The following GLUD1 variants were observed in gnomAD, a reference collection of about 807,000 sequenced individuals.
GLUD1 encodes the protein glutamate dehydrogenase 1, mitochondrial.
Under a neutral mutation model 56.0 loss-of-function variants are expected in GLUD1, and 22 were observed. The observed-to-expected ratio is 0.39, with a 90% CI of 0.28 to 0.56. The LOEUF is 0.56. GLUD1 is among the 20% of genes least tolerant of loss of function. The pLI is 0.58. For synonymous variants in GLUD1, 223 were observed against 269.9 expected (o/e 0.83, Z 1.70); for missense variants, 451 against 732.0 (o/e 0.62, Z 4.43).
chr10:87,050,917 G>A lies in GLUD1; in HGVS notation c.*834C>T, dbSNP rs755002858. ...GAACAATTAGTTAACATGATAAAAA[G>A]TGACTGCATTCTTTGGACTGTATCA... On this transcript the variant is annotated 3_prime_UTR_variant, in exon 13 of 13. Transcript: ENST00000277865. The A allele has an allele frequency of 1.3e-5, 2 of 152,272 alleles. No homozygotes were observed. Among genetic ancestry groups the A allele is most frequent in the African/African-American group, 2.4e-5 (1 of 41,432 alleles). The allele number at this position is 152,272 out of a possible 1,614,324, so 9.4% of individuals were successfully genotyped here.
chr10:87,058,631 G>T (rs574219115), intron 10 of GLUD1, among the ~76,000 whole-genome samples: 1 of 152,298 alleles, frequency 6.6e-6, no homozygotes, highest in Non-Finnish European at 1.5e-5. Flanking sequence ...AGTGGCTCAC[G>T]CCTGTAATCC....
chr10:87,094,078 C>T lies in GLUD1; in HGVS notation c.445+247G>A. 1 of 1,513,972 alleles carries T rather than the reference C, an allele frequency of 6.6e-7. No individual in the cohort carries two copies. Among genetic ancestry groups the T allele is most frequent in the Non-Finnish European group, 8.8e-7 (1 of 1,133,044 alleles). 93.8% of individuals were successfully genotyped at this position (1,513,972 alleles called of 1,614,324 possible). Reference sequence around the variant, plus strand: ...GCAGCGTCTACTCTGCATGCAAGATCAGCATATACAGAGGCCCGGGGTGAC... The same window carrying T: ...GCAGCGTCTACTCTGCATGCAAGATTAGCATATACAGAGGCCCGGGGTGAC... On this transcript the variant is annotated intron_variant, in intron 1 of 12. Transcript: ENST00000277865. The surrounding 1 kb of genome is among the most constrained non-coding windows in gnomAD (Gnocchi z 6.6).
At chr10:87,080,073 G>A (rs1184442589) in intron 1 of GLUD1, among the ~76,000 whole-genome samples, 6 of 151,800 alleles carry the variant, frequency 4.0e-5, no homozygotes, top group South Asian at 2.1e-4. Context: ...GAGTGCCTGC[G>A]ATTGCAGGCG....
At chr10:87,081,814 A>G (rs1406174545) in intron 1 of GLUD1, among the ~76,000 whole-genome samples, 2 of 151,374 alleles carry the variant, frequency 1.3e-5, no homozygotes, top group African/African-American at 4.8e-5. Flanking sequence ...ACACTGCGGA[A>G]GGCCTCAGGG....
At chr10:87,052,155 G>T (rs886070776) in intron 12 of GLUD1, among the ~76,000 whole-genome samples, 1 of 152,114 alleles carries the variant, frequency 6.6e-6, no homozygotes, top group East Asian at 1.9e-4. Context: ...TTCAAGACCG[G>T]ACTTGCCAAC....
intron 12 of GLUD1, 120 bp downstream of exon 12, chr10:87,053,222 T>C (rs750187092): frequency 1.3e-6 from 1 of 746,594 alleles, no homozygotes; most frequent in Admixed American, 2.0e-5. Flanking sequence ...TACACACAAA[T>C]GAGGACCATT....
intron 11 of GLUD1, among the ~76,000 whole-genome samples, chr10:87,055,946 TG>T (rs1845760235): frequency 2.0e-5 from 3 of 151,732 alleles, no homozygotes; most frequent in African/African-American, 7.3e-5. Flanking sequence ...AAACCCCGTC[TG>T]TACTAAAAAT....
rs1841666915 is a variant in GLUD1 at position 87,094,553 on chromosome 10, A to C, written c.217T>G (p.Phe73Val). ...DPNFFKMVEG[F>V]FDRGASIVED... ...ACGATGCTGGCGCCGCGATCGAAGAAGCCCTCCACCATCTTGAAGAAGTTG... is the reference window on the plus strand; with the variant it reads ...ACGATGCTGGCGCCGCGATCGAAGACGCCCTCCACCATCTTGAAGAAGTTG... The change falls in exon 1 of 13, where the codon TTC (phenylalanine) becomes GTC (valine). Residue 73 changes from phenylalanine to valine, a missense_variant. Physicochemically the swap from Phe to Val is conservative, Grantham distance 50 (BLOSUM62 -1). Transcript: ENST00000277865. This position sits in a 1 kb window ranked among gnomAD's most constrained non-coding sequence, Gnocchi z 6.6. 1 of 1,612,234 alleles carries C rather than the reference A, an allele frequency of 6.2e-7. No homozygotes were observed. The highest frequency in any genetic ancestry group is 1.3e-5 in the African/African-American group (1 of 74,972).
rs373352711 is a variant in GLUD1, at chr10:87,086,788, G to A, written c.445+7537C>T. ...GGAGCTTGCAGTAAGCCAAGATCGC[G>A]CCACTGCACTCCAGCCTGGGAGACA... On this transcript the variant is annotated intron_variant, in intron 1 of 12. Coordinates refer to ENST00000277865, the MANE Select transcript of GLUD1 (RefSeq NM_005271.5). Among the ~76,000 whole-genome samples the A allele has an allele frequency of 2.7e-4, 40 of 146,128 alleles. No individual in the cohort carries two copies. The South Asian group carries it at 5.6e-3, about 21-fold the overall frequency.
chr10:87,054,817 G>T (rs1192155590), intron 11 of GLUD1, among the ~76,000 whole-genome samples: 1 of 152,210 alleles, frequency 6.6e-6, no homozygotes, highest in Non-Finnish European at 1.5e-5. Flanking sequence ...CTAGAGCAGT[G>T]TATCTGAGGA....
intron 1 of GLUD1, among the ~76,000 whole-genome samples, chr10:87,080,869 G>C (rs1281327109): frequency 2.7e-4 from 39 of 146,104 alleles, no homozygotes; most frequent in African/African-American, 9.7e-4. Flanking sequence ...CCCCCGCCCG[G>C]CCAGCCGCCC....
intron 1 of GLUD1, among the ~76,000 whole-genome samples, chr10:87,082,265 G>C (rs1047843554): frequency 6.9e-6 from 1 of 144,176 alleles, no homozygotes; most frequent in Non-Finnish European, 1.5e-5. Flanking sequence ...TTCCACACAA[G>C]TGTAAACAAA....
intron 10 of GLUD1, among the ~76,000 whole-genome samples, chr10:87,058,334 TG>T: frequency 6.6e-6 from 1 of 152,062 alleles, no homozygotes; most frequent in East Asian, 1.9e-4. Flanking sequence ...AAGAAAACGC[TG>T]GGGGAAAAAG....
intron 12 of GLUD1, among the ~76,000 whole-genome samples, chr10:87,053,071 C>G (rs1213644315): frequency 6.6e-6 from 1 of 152,220 alleles, no homozygotes; most frequent in African/African-American, 2.4e-5. Context: ...TCCAGTTTGG[C>G]TAACTACTCC....
chr10:87,061,244 G>C, intron 6 of GLUD1, 192 bp from the exon 7 acceptor site: 1 of 705,648 alleles, frequency 1.4e-6, no homozygotes, highest in Non-Finnish European at 2.6e-6. Context: ...TGTGATGAGC[G>C]GGCATGGTGG....
At chr10:87,080,047 C>T (rs1400559428) in intron 1 of GLUD1, among the ~76,000 whole-genome samples, 1 of 151,702 alleles carries the variant, frequency 6.6e-6, no homozygotes, top group Non-Finnish European at 1.5e-5. Flanking sequence ...GCCTGATTCT[C>T]CTGCCTCAGC....
At chr10:87,066,937 G>T (rs970843485) in intron 5 of GLUD1, among the ~76,000 whole-genome samples, 6 of 152,162 alleles carry the variant, frequency 3.9e-5, no homozygotes, top group Non-Finnish European at 7.3e-5. Context: ...AGGTTCTCCT[G>T]GTTCTCTGTG....
At chr10:87,065,264 C>T (rs1203484443) in intron 5 of GLUD1, among the ~76,000 whole-genome samples, 1 of 116,058 alleles carries the variant, frequency 8.6e-6, no homozygotes, top group Non-Finnish European at 1.7e-5. Flanking sequence ...CAGAGTGAGA[C>T]TCCGTCTCAA....
chr10:87,082,586 C>CAGGG (rs2133845292), intron 1 of GLUD1, among the ~76,000 whole-genome samples: 1 of 152,292 alleles, frequency 6.6e-6, no homozygotes, highest in South Asian at 2.1e-4. Flanking sequence ...AGAACAGGGA[C>CAGGG]AGGGAGGGGA....
Sources: allele counts gnomAD v4.1 joint callset (sites outside exome capture counted in the v4.1 genomes callset), GRCh38; gene constraint gnomAD v4.1.1; non-coding constraint Gnocchi (gnomAD v3.1); transcripts MANE v1.5; gene names NCBI Gene and HGNC (gene_info 2026-07-23, HGNC 2026-07-21).